KAZN: variants seen among roughly 807,000 people sequenced by gnomAD.
KAZN encodes kazrin.
Under a neutral mutation model 87.4 loss-of-function variants are expected in KAZN, and 40 were observed. The observed-to-expected ratio is 0.46, with a 90% CI of 0.36 to 0.60. KAZN has a LOEUF of 0.60. Among genes scored for constraint, KAZN ranks in the 20% least tolerant of loss-of-function variants. KAZN has a pLI of 0.00. For missense variants in KAZN, 898 were observed against 1,073.9 expected, an observed-to-expected ratio of 0.84 and a Z score of 2.29; for synonymous variants, 466 against 458.3, an observed-to-expected ratio of 1.02 and a Z score of -0.22.
intron 1 of KAZN, among the ~76,000 whole-genome samples, chr1:14,620,676 A>G (rs2148639833): frequency 6.6e-6 from 1 of 152,340 alleles, no homozygotes; most frequent in African/African-American, 2.4e-5. Context: ...AGTGGGCAAG[A>G]GGCCTTCTCA....
At chr1:14,208,652 C>G (rs151229747) in intron 2 of KAZN, among the ~76,000 whole-genome samples, 1 of 152,282 alleles carries the variant, frequency 6.6e-6, no homozygotes, top group Non-Finnish European at 1.5e-5. Context: ...TGCACTTTGC[C>G]AAGCTGAGCT....
chr1:15,064,643 G>C (rs1325749092), intron 7 of KAZN, among the ~76,000 whole-genome samples: 1 of 152,232 alleles, frequency 6.6e-6, no homozygotes, highest in East Asian at 1.9e-4. Context: ...GTAGAGTCAT[G>C]ATCAGAAATG....
intron 2 of KAZN, among the ~76,000 whole-genome samples, chr1:14,417,624 A>C (rs1444948629): frequency 6.6e-6 from 1 of 152,156 alleles, no homozygotes; most frequent in African/African-American, 2.4e-5. Context: ...CACAGGCTGT[A>C]CAAGGAGACC....
rs35991159 is a variant in KAZN, at chr1:14,772,525, GAAAA to G, written c.226+173313_226+173316del. On this transcript the variant is annotated intron_variant, in intron 1 of 14. Coordinates refer to ENST00000376030, the MANE Select transcript of KAZN (RefSeq NM_201628.3). ...TCACCTAATACGTTTAATAGATTGAGAAAAAAAAAAAAAAGAGACCCCTCTTGGA... is the reference window on the plus strand; with the variant it reads ...TCACCTAATACGTTTAATAGATTGAGAAAAAAAAAAGAGACCCCTCTTGGA... Among the ~76,000 whole-genome samples the G allele has an allele frequency of 6.0e-3, 877 of 145,890 alleles. 25 individuals carry two copies. Among genetic ancestry groups the G allele is most frequent in the East Asian group, 0.038 (188 of 4,974 alleles).
chr1:14,533,040 C>T (rs1054997984), intron 2 of KAZN, among the ~76,000 whole-genome samples: 16 of 152,130 alleles, frequency 1.1e-4, no homozygotes, highest in South Asian at 2.1e-4. Context: ...CCTGAGGAAT[C>T]GCCACACTGA....
At chr1:15,059,547 C>T (rs896196964) in intron 5 of KAZN, among the ~76,000 whole-genome samples, 9 of 152,050 alleles carry the variant, frequency 5.9e-5, no homozygotes, top group African/African-American at 1.4e-4. Flanking sequence ...CGCGACCCAC[C>T]GGGAGGCCTC....
chr1:13,996,422 C>T (rs1639520577), intron 1 of KAZN, among the ~76,000 whole-genome samples: 1 of 152,190 alleles, frequency 6.6e-6, no homozygotes, highest in Admixed American at 6.5e-5. Context: ...CTAGGACCCA[C>T]AACAGCCTAA....
intron 1 of KAZN, among the ~76,000 whole-genome samples, chr1:13,995,439 G>A (rs1639469398): frequency 1.3e-5 from 2 of 152,108 alleles, no homozygotes; most frequent in African/African-American, 4.8e-5. Context: ...ATAAAGATAT[G>A]TTTACAATAG....
In KAZN at chr1:14,491,095, C is replaced by T. The variant is rs542596117; in HGVS notation, c.250-107888C>T. ...ATCTCAAAAAGATTTTTCCAATTTT[C>T]CTCATGTCGATCCTACTCATTCCTT... On this transcript the variant is annotated intron_variant, in intron 2 of 16. Coordinates refer to the KAZN transcript ENST00000636203. Among the ~76,000 whole-genome samples the T allele has an allele frequency of 1.9e-3, 290 of 152,264 alleles. 1 individual carries two copies. The highest frequency in any genetic ancestry group is 6.7e-3 in the African/African-American group (279 of 41,540).
In KAZN at chr1:14,252,470, A is replaced by G. The variant is rs140957692; in HGVS notation, c.249+71878A>G. 4.1e-3 allele frequency among the ~76,000 whole-genome samples: 623 copies of G among 152,164 alleles called. 4 individuals are homozygous for G. Among genetic ancestry groups the G allele is most frequent in the African/African-American group, 0.014 (584 of 41,514 alleles). ...GCACTGGCTTCCTGTCTGTTTCTCA[A>G]TCTTGCCAGGGCCTTTCCTACCCCA... On this transcript the variant is annotated intron_variant, in intron 2 of 16. Transcript: ENST00000636203.
At chr1:14,616,633 C>T (rs1174353924) in intron 1 of KAZN, among the ~76,000 whole-genome samples, 1 of 152,160 alleles carries the variant, frequency 6.6e-6, no homozygotes, top group Non-Finnish European at 1.5e-5. Flanking sequence ...GATATTTCAG[C>T]CCATCACCTA....
At chr1:14,505,899 G>A (rs541731051) in intron 2 of KAZN, among the ~76,000 whole-genome samples, 51 of 152,178 alleles carry the variant, frequency 3.4e-4, no homozygotes, top group African/African-American at 1.1e-3. Context: ...GATTGAACCC[G>A]GGAGGTGGAG....
intron 1 of KAZN, among the ~76,000 whole-genome samples, chr1:14,843,237 G>A (rs570684182): frequency 5.3e-5 from 8 of 152,322 alleles, no homozygotes; most frequent in Admixed American, 2.0e-4. Context: ...AAGGCAGTGT[G>A]TGGGGTCAAA....
In KAZN at chr1:14,185,586, T is replaced by A. The variant is rs535358427; in HGVS notation, c.249+4994T>A. ...GCAAGTCCAAAAGCTTGTAGTTTTT[T>A]ACATAACTCTTACAAGCCCTCTTTC... On this transcript the variant is annotated intron_variant, in intron 2 of 16. Coordinates refer to the KAZN transcript ENST00000636203. Among the ~76,000 whole-genome samples, 190 of 152,360 alleles carry A rather than the reference T, an allele frequency of 1.2e-3. 1 individual carries two copies. The highest frequency in any genetic ancestry group is 4.4e-3 in the African/African-American group (181 of 41,600).
At chr1:13,996,263 C>G (rs895135270) in intron 1 of KAZN, among the ~76,000 whole-genome samples, 3 of 152,178 alleles carry the variant, frequency 2.0e-5, no homozygotes, top group Non-Finnish European at 4.4e-5. Flanking sequence ...GTCCCAACCC[C>G]CGAGCCGCGC....
intron 2 of KAZN, among the ~76,000 whole-genome samples, chr1:14,539,814 TGTTAA>T (rs1672705112): frequency 6.6e-6 from 1 of 152,194 alleles, no homozygotes; most frequent in Non-Finnish European, 1.5e-5. Context: ...ACCTAAATTT[TGTTAA>T]ATGTAAGATA....
intron 2 of KAZN, among the ~76,000 whole-genome samples, chr1:14,269,269 G>A (rs557115595): frequency 2.0e-4 from 30 of 152,202 alleles, no homozygotes; most frequent in African/African-American, 7.2e-4. Flanking sequence ...TCGTGGGATG[G>A]GTGGTGAATA....
intron 2 of KAZN, among the ~76,000 whole-genome samples, chr1:15,015,117 A>G (rs187359892): frequency 1.3e-5 from 2 of 151,542 alleles, no homozygotes; most frequent in East Asian, 1.9e-4. Context: ...AACTTTAAAA[A>G]CTGAAGTTTT....
At chr1:13,895,007 C>T (rs946669928) in intron 1 of KAZN, among the ~76,000 whole-genome samples, 3 of 152,214 alleles carry the variant, frequency 2.0e-5, no homozygotes, top group African/African-American at 7.2e-5. Context: ...CTCTGTATGC[C>T]TCAGTTTCCT....
Sources: gnomAD v4.1 joint callset for allele counts (sites outside exome capture counted in the v4.1 genomes callset) on GRCh38, gnomAD v4.1.1 for gene constraint, MANE v1.5 for transcripts, NCBI Gene and HGNC (gene_info 2026-07-23, HGNC 2026-07-21) for gene names.